CDK14: variants seen among roughly 807,000 people sequenced by gnomAD.
CDK14 encodes cyclin dependent kinase 14.
CDK14 carries 34 observed loss-of-function variants against 60.7 expected under a neutral mutation model. That is an observed-to-expected ratio of 0.56 (90% CI 0.43 to 0.75). The LOEUF (loss-of-function observed/expected upper bound fraction) is 0.75. Among genes scored for constraint, CDK14 ranks in the 30% least tolerant of loss-of-function variants. CDK14 has a pLI of 0.00. For synonymous variants in CDK14, 197 were observed against 203.7 expected (o/e 0.97, Z 0.28); for missense variants, 482 against 564.1 (o/e 0.85, Z 1.47).
At chr7:90,905,600 A>G (rs988782991) in intron 7 of CDK14, among the ~76,000 whole-genome samples, 2 of 152,120 alleles carry the variant, frequency 1.3e-5, no homozygotes, top group African/African-American at 4.8e-5. Context: ...TCCTGGATCA[A>G]TGGTTCATTC....
chr7:90,786,448 C>T (rs570582631), intron 4 of CDK14, among the ~76,000 whole-genome samples: 2 of 152,152 alleles, frequency 1.3e-5, no homozygotes, highest in Non-Finnish European at 2.9e-5. Flanking sequence ...TTTAAATCAA[C>T]GTTTGAATTA....
At chr7:91,120,995 T>C (rs1195749548) in intron 14 of CDK14, among the ~76,000 whole-genome samples, 1 of 152,222 alleles carries the variant, frequency 6.6e-6, no homozygotes, top group Non-Finnish European at 1.5e-5. Flanking sequence ...AAAGAAATTA[T>C]TTTAATGTCT....
At chr7:91,199,376 C>T (rs1802648485) in intron 14 of CDK14, among the ~76,000 whole-genome samples, 1 of 151,610 alleles carries the variant, frequency 6.6e-6, no homozygotes, top group South Asian at 2.1e-4. Flanking sequence ...CTAAGAAGAC[C>T]TAAATCAGTA....
chr7:91,048,326 C>T (rs989794781), intron 11 of CDK14, among the ~76,000 whole-genome samples: 6 of 152,162 alleles, frequency 3.9e-5, no homozygotes, highest in African/African-American at 1.4e-4. Flanking sequence ...CATGTCACTG[C>T]AAGGAGGAGG....
rs368034691 is a variant in CDK14, at chr7:90,639,787, C to T, written c.123+35538C>T. ...TGGGCTCCACCCAGTTCGAGCTTCC[C>T]GGCTGCTTTGTTTACCTAAGCAAGC... On this transcript the variant is annotated intron_variant, in intron 2 of 14. Coordinates refer to ENST00000380050, the MANE Select transcript of CDK14 (RefSeq NM_001287135.2). 2.7e-4 allele frequency among the ~76,000 whole-genome samples: 41 copies of T among 152,060 alleles called. 1 individual carries two copies. Among genetic ancestry groups the T allele is most frequent in the East Asian group, 1.8e-3 (9 of 5,128 alleles).
At chr7:91,048,316 C>T (rs750880530) in intron 11 of CDK14, among the ~76,000 whole-genome samples, 1 of 152,198 alleles carries the variant, frequency 6.6e-6, no homozygotes, top group African/African-American at 2.4e-5. Flanking sequence ...TTGATCTTCT[C>T]ATGTCACTGC....
At chr7:91,170,289 T>G (rs1032432695) in intron 14 of CDK14, among the ~76,000 whole-genome samples, 8 of 152,230 alleles carry the variant, frequency 5.3e-5, no homozygotes, top group East Asian at 1.9e-4. Flanking sequence ...TACTGGATTT[T>G]GGGGCTCTTT....
intron 5 of CDK14, among the ~76,000 whole-genome samples, chr7:90,853,347 T>C (rs1187119970): frequency 1.3e-5 from 2 of 152,230 alleles, no homozygotes; most frequent in African/African-American, 2.4e-5. Context: ...AGCTCAAGAC[T>C]ATCACTTTCA....
At chr7:90,685,675 T>G (rs911149973) in intron 2 of CDK14, among the ~76,000 whole-genome samples, 13 of 75,292 alleles carry the variant, frequency 1.7e-4, no homozygotes, top group East Asian at 5.6e-4. Context: ...TTTTTTTTTT[T>G]GTAGAGATGA....
intron 2 of CDK14, among the ~76,000 whole-genome samples, chr7:90,690,762 T>G (rs947011846): frequency 2.0e-5 from 3 of 152,152 alleles, no homozygotes; most frequent in Non-Finnish European, 4.4e-5. Context: ...TATTATGAAT[T>G]TAAAAATTGA....
At chr7:90,822,060 T>C (rs1789570548) in intron 5 of CDK14, among the ~76,000 whole-genome samples, 1 of 152,252 alleles carries the variant, frequency 6.6e-6, no homozygotes, top group African/African-American at 2.4e-5. Flanking sequence ...GTAATTCTAT[T>C]ATTCATTGTA....
intron 12 of CDK14, among the ~76,000 whole-genome samples, chr7:91,100,433 G>C (rs1799118449): frequency 6.6e-6 from 1 of 152,174 alleles, no homozygotes; most frequent in South Asian, 2.1e-4. Flanking sequence ...GCGGAAACAT[G>C]ATCTACTTTT....
chr7:90,813,471 G>T (rs1386658801), intron 5 of CDK14, among the ~76,000 whole-genome samples: 2 of 152,186 alleles, frequency 1.3e-5, no homozygotes, highest in African/African-American at 4.8e-5. Context: ...GATCTGGCTG[G>T]GCGTGGTGGC....
chr7:90,681,282 A>T (rs929209644), intron 2 of CDK14, among the ~76,000 whole-genome samples: 1 of 152,190 alleles, frequency 6.6e-6, no homozygotes, highest in Non-Finnish European at 1.5e-5. Context: ...TGTAAACTTG[A>T]TCAAATGTCA....
At chr7:90,849,519 G>A (rs922367540) in intron 5 of CDK14, among the ~76,000 whole-genome samples, 2 of 151,794 alleles carry the variant, frequency 1.3e-5, no homozygotes, top group Admixed American at 6.6e-5. Context: ...CATTAATTTA[G>A]GGACCACAAA....
At chr7:90,826,973 A>T (rs879782383) in intron 5 of CDK14, among the ~76,000 whole-genome samples, 1 of 152,146 alleles carries the variant, frequency 6.6e-6, no homozygotes, top group Non-Finnish European at 1.5e-5. Flanking sequence ...GTATTTACAT[A>T]TCTACATGTA....
At chr7:91,016,750 T>C (rs890705135) in intron 10 of CDK14, among the ~76,000 whole-genome samples, 1 of 152,214 alleles carries the variant, frequency 6.6e-6, no homozygotes, top group Non-Finnish European at 1.5e-5. Context: ...TATAGCATGT[T>C]TTAAGGTTTC....
At chr7:90,968,476 C>A (rs780299018) in intron 9 of CDK14, among the ~76,000 whole-genome samples, 9 of 152,168 alleles carry the variant, frequency 5.9e-5, no homozygotes, top group Non-Finnish European at 5.9e-5. Flanking sequence ...GGTTGCTCAT[C>A]TTTTACTGTG....
At chr7:90,992,162 A>G (rs747825502) in intron 10 of CDK14, among the ~76,000 whole-genome samples, 2 of 152,238 alleles carry the variant, frequency 1.3e-5, no homozygotes, top group Non-Finnish European at 2.9e-5. Flanking sequence ...TTAGTCTTAC[A>G]TGAAAGCTAA....
Sources: gnomAD v4.1 joint callset for allele counts (sites outside exome capture counted in the v4.1 genomes callset) on GRCh38, gnomAD v4.1.1 for gene constraint, MANE v1.5 for transcripts, NCBI Gene and HGNC (gene_info 2026-07-23, HGNC 2026-07-21) for gene names.